The following ABLIM1 variants were observed in gnomAD, a reference collection of about 807,000 sequenced individuals.
ABLIM1 encodes the protein actin-binding LIM protein 1.
A neutral mutation model predicts 107.0 loss-of-function variants in ABLIM1; 40 were observed. That is an observed-to-expected ratio of 0.37 (90% CI 0.29 to 0.49). The LOEUF is 0.49. Among genes scored for constraint, ABLIM1 ranks in the 20% least tolerant of loss-of-function variants. The probability of loss-of-function intolerance (pLI) is 0.97; values close to 1 mark genes in which losing one functional copy is unlikely to be tolerated. For synonymous variants in ABLIM1, 357 were observed against 357.3 expected (o/e 1.00, Z 0.01); for missense variants, 857 against 1,008.5 (o/e 0.85, Z 2.04).
intron 6 of ABLIM1, among the ~76,000 whole-genome samples, chr10:114,527,213 C>T (rs1331669768): frequency 6.6e-6 from 1 of 152,146 alleles, no homozygotes; most frequent in Admixed American, 6.5e-5. Flanking sequence ...CTGCAGCCTC[C>T]TCGCAAGTCC....
chr10:114,464,417 CT>C (rs922513676), intron 12 of ABLIM1, among the ~76,000 whole-genome samples: 3 of 152,058 alleles, frequency 2.0e-5, no homozygotes, highest in African/African-American at 7.2e-5. Context: ...AACTCTTGAC[CT>C]CAGGTGATCC....
Position 114,573,565 on chromosome 10 carries a change from C to A in ABLIM1, c.563+1851G>T, listed in dbSNP as rs75909272. Among the ~76,000 whole-genome samples the A allele has an allele frequency of 5.3e-5, 8 of 152,190 alleles. No individual in the cohort carries two copies. The East Asian group carries it at 1.5e-3, about 29-fold the overall frequency. On this transcript the variant is annotated intron_variant, in intron 3 of 22. Transcript: ENST00000533213. ...CTCTTAGAGTTTACTGGGAACACGG[C>A]CTTCCAACCTGGCTGACTGACAACA...
rs144767909 is a variant in ABLIM1 at position 114,565,030 on chromosome 10, T to A, written c.673+6267A>T. On this transcript the variant is annotated intron_variant, in intron 4 of 22. Coordinates refer to ENST00000533213, the MANE Select transcript of ABLIM1 (RefSeq NM_002313.7). ...TTGTATAGGCAAAGAAACAGAGATA[T>A]AGAAAGATTGATTTCTCAAGGTCAC... Among the ~76,000 whole-genome samples, 203 of 152,322 alleles carry A rather than the reference T, an allele frequency of 1.3e-3. 3 individuals carry two copies. Among genetic ancestry groups the A allele is most frequent in the African/African-American group, 4.8e-3 (198 of 41,578 alleles).
At chr10:114,593,891 G>A (rs1238853673) in intron 2 of ABLIM1, among the ~76,000 whole-genome samples, 1 of 152,046 alleles carries the variant, frequency 6.6e-6, no homozygotes, top group Non-Finnish European at 1.5e-5. Flanking sequence ...TATTTGACAA[G>A]GTAACACTTC....
chr10:114,760,914 T>G (rs2082731670), intron 1 of ABLIM1, among the ~76,000 whole-genome samples: 1 of 152,244 alleles, frequency 6.6e-6, no homozygotes, highest in African/African-American at 2.4e-5. Flanking sequence ...GCTGTTTTGA[T>G]ATTAAATACT....
chr10:114,694,700 T>G (rs1422064122), intron 1 of ABLIM1, among the ~76,000 whole-genome samples: 3 of 152,108 alleles, frequency 2.0e-5, no homozygotes, highest in Non-Finnish European at 1.5e-5. Context: ...AAAAAGACAT[T>G]AAGTACTAAA....
intron 12 of ABLIM1, among the ~76,000 whole-genome samples, chr10:114,458,326 A>G (rs1454533483): frequency 6.6e-6 from 1 of 151,974 alleles, no homozygotes; most frequent in African/African-American, 2.4e-5. Context: ...AATTTTTTAG[A>G]CCTCAGGGGA....
chr10:114,605,175 G>A (rs1411434261), intron 1 of ABLIM1, among the ~76,000 whole-genome samples: 2 of 152,276 alleles, frequency 1.3e-5, no homozygotes, highest in South Asian at 2.1e-4. Context: ...AGAAGATTCA[G>A]TTCTTATTTC....
chr10:114,637,911 A>C (rs980462852), intron 1 of ABLIM1, among the ~76,000 whole-genome samples: 1 of 152,240 alleles, frequency 6.6e-6, no homozygotes, highest in African/African-American at 2.4e-5. Context: ...AATATTTTCT[A>C]GATAGAAATC....
chr10:114,787,647 C>T, the ABLIM1 span, among the ~76,000 whole-genome samples: 4 of 143,068 alleles, frequency 2.8e-5, no homozygotes, highest in African/African-American at 1.0e-4. Context: ...GCCCGGCCGC[C>T]CCTACTGGGA....
At chr10:114,478,418 C>A (rs1189678927) in intron 8 of ABLIM1, among the ~76,000 whole-genome samples, 1 of 152,168 alleles carries the variant, frequency 6.6e-6, no homozygotes, top group Non-Finnish European at 1.5e-5. Flanking sequence ...TGTGCCCCCA[C>A]CCAAATCTCA....
In ABLIM1 at chr10:114,459,557, C is replaced by CT. The variant is rs11357358; in HGVS notation, c.1442-6075dup. ...AATGTACAAAATCTCCACCACATAT[C>CT]TTTTTTTTTTTTTACACTGCTCCCT... On this transcript the variant is annotated intron_variant, in intron 12 of 22. Transcript: ENST00000533213. Among the ~76,000 whole-genome samples, 532 of 148,956 alleles carry CT rather than the reference C, an allele frequency of 3.6e-3. 3 individuals carry two copies. Among genetic ancestry groups the CT allele is most frequent in the Non-Finnish European group, 4.7e-3 (316 of 67,064 alleles).
At chr10:114,559,988 G>A (rs1027699376) in intron 4 of ABLIM1, among the ~76,000 whole-genome samples, 14 of 152,152 alleles carry the variant, frequency 9.2e-5, no homozygotes, top group Non-Finnish European at 1.3e-4. Flanking sequence ...GCTACCTGCC[G>A]TCACCTAAGG....
In ABLIM1 at chr10:114,714,862, T is replaced by C. The variant is rs191416816; in HGVS notation, c.-213+53199A>G. 1.6e-3 allele frequency among the ~76,000 whole-genome samples: 243 copies of C among 152,330 alleles called. 1 individual carries two copies. The highest frequency in any genetic ancestry group is 4.5e-3 in the African/African-American group (186 of 41,562). ...TCTTATAATATATCTAGACGAGGGA[T>C]TGTTATTTTTTTAAAAAATCAACTT... is the stretch of plus-strand genomic sequence containing the variant. On this transcript the variant is annotated intron_variant, in intron 1 of 15. Coordinates refer to the ABLIM1 transcript ENST00000651092.
intron 6 of ABLIM1, among the ~76,000 whole-genome samples, chr10:114,540,125 T>G (rs2066483599): frequency 6.6e-6 from 1 of 152,058 alleles, no homozygotes; most frequent in Non-Finnish European, 1.5e-5. Context: ...TGAAAACAAG[T>G]GATGAGAAAT....
chr10:114,631,854 C>T (rs1470655764), intron 1 of ABLIM1: 5 of 1,300,598 alleles, frequency 3.8e-6, no homozygotes, highest in Middle Eastern at 4.2e-4. Context: ...CCCTGCGGTG[C>T]CATTCCAACT....
At chr10:114,597,311 T>C (rs984644259) in intron 2 of ABLIM1, among the ~76,000 whole-genome samples, 2 of 151,894 alleles carry the variant, frequency 1.3e-5, no homozygotes, top group African/African-American at 4.8e-5. Flanking sequence ...GAGAGAAGGG[T>C]CTTTGGAGAG....
chr10:114,450,448 T>C (rs539311922), intron 14 of ABLIM1, among the ~76,000 whole-genome samples: 1 of 145,294 alleles, frequency 6.9e-6, no homozygotes, highest in East Asian at 2.0e-4. Context: ...TTTTTTTTTT[T>C]TTTTGGCGAC....
intron 1 of ABLIM1, among the ~76,000 whole-genome samples, chr10:114,744,201 CTTAG>C (rs989113480): frequency 9.2e-5 from 14 of 152,176 alleles, no homozygotes; most frequent in African/African-American, 3.4e-4. Context: ...TAGACTCAAA[CTTAG>C]TTAGATTGGA....
Sources: gnomAD v4.1 joint callset for allele counts (sites outside exome capture counted in the v4.1 genomes callset) on GRCh38, gnomAD v4.1.1 for gene constraint, MANE v1.5 for transcripts, NCBI Gene and HGNC (gene_info 2026-07-23, HGNC 2026-07-21) for gene names.